Variants in MAP3K19 observed in about 807,000 individuals in gnomAD.
MAP3K19 encodes SPS1/STE20-related protein kinase YSK4.
MAP3K19 carries 91 observed loss-of-function variants against 114.4 expected under a neutral mutation model. That is an observed-to-expected ratio of 0.80 (90% CI 0.67 to 0.95). MAP3K19 has a LOEUF of 0.95. MAP3K19 is among the 40% of genes least tolerant of loss of function. The pLI, the probability that MAP3K19 is intolerant of heterozygous loss-of-function variation, is 0.00. For synonymous variants in MAP3K19, 518 were observed against 530.5 expected, an observed-to-expected ratio of 0.98 and a Z score of 0.32; for missense variants, 1,471 against 1,573.2, an observed-to-expected ratio of 0.94 and a Z score of 1.10.
At chr2:134,972,368 C>T (rs146150896) in intron 12 of MAP3K19, among the ~76,000 whole-genome samples, 1 of 152,164 alleles carries the variant, frequency 6.6e-6, no homozygotes, top group Non-Finnish European at 1.5e-5. Flanking sequence ...TCTTTCTGAT[C>T]CTGGTTTATT....
chr2:135,034,844 AGGGG>A (rs1688492301), intron 2 of MAP3K19, among the ~76,000 whole-genome samples: 1 of 5,570 alleles, frequency 1.8e-4, no homozygotes, highest in African/African-American at 6.7e-4. Context: ...GGGGAGGGGG[AGGGG>A]GAGGGGGAGG....
intron 5 of MAP3K19, among the ~76,000 whole-genome samples, chr2:135,011,669 GTTT>G (rs1274453046): frequency 1.4e-5 from 2 of 143,662 alleles, no homozygotes; most frequent in African/African-American, 5.7e-5. Context: ...GTTTGATGTT[GTTT>G]GTTTGTTTGT....
At chr2:134,983,342 G>A (rs1684844064) in intron 11 of MAP3K19, 3 of 570,420 alleles carry the variant, frequency 5.3e-6, no homozygotes, top group South Asian at 4.2e-5. Flanking sequence ...CTGGGAGGAT[G>A]AGAGGTTAGA....
chr2:134,977,824 T>C (rs1450248559), intron 12 of MAP3K19, among the ~76,000 whole-genome samples: 3 of 152,114 alleles, frequency 2.0e-5, no homozygotes, highest in Non-Finnish European at 4.4e-5. Context: ...CTCTGCCAAA[T>C]GTCTCTAACA....
chr2:135,021,710 C>G lies in MAP3K19; in HGVS notation c.138+5G>C. The G allele has an allele frequency of 6.4e-7, 1 of 1,572,882 alleles. No homozygotes were observed. The highest frequency in any genetic ancestry group is 1.1e-5 in the South Asian group (1 of 88,704). Reference sequence around the variant, plus strand: ...TCCGTTGTTTCTTTAAAGGGAGGCTCTTACCTCACTTCTGCTGATGCTTTG... The same window carrying G: ...TCCGTTGTTTCTTTAAAGGGAGGCTGTTACCTCACTTCTGCTGATGCTTTG... On this transcript the variant is annotated splice_donor_5th_base_variant and intron_variant, in intron 5 of 12. Coordinates refer to ENST00000392915, the MANE Select transcript of MAP3K19 (RefSeq NM_025052.5).
In MAP3K19 at chr2:134,986,301, T is replaced by TAGTG; in HGVS notation, c.2570_2571insCACT (p.Val858ThrfsTer5). 6.2e-7 allele frequency: 1 copy of TAGTG among 1,614,026 alleles called. No individual in the cohort carries two copies. The highest frequency in any genetic ancestry group is 8.5e-7 in the Non-Finnish European group (1 of 1,179,974). ...TGTTAGAATTCTTCTCACTGGGCACTGCCCAGCTGTCTTCTGAAGGGATAA... is the reference window on the plus strand; with the variant it reads ...TGTTAGAATTCTTCTCACTGGGCACTAGTGGCCCAGCTGTCTTCTGAAGGGATAA... On this transcript the variant is annotated frameshift_variant, in exon 10 of 13. Transcript: ENST00000392915. LOFTEE classifies it high-confidence loss of function.
intron 8 of MAP3K19, among the ~76,000 whole-genome samples, chr2:134,992,139 C>G (rs1685625898): frequency 6.6e-6 from 1 of 152,174 alleles, no homozygotes; most frequent in African/African-American, 2.4e-5. Context: ...AAATCAGCCT[C>G]TAAATTTCTC....
rs1210392592 is a variant in MAP3K19 at position 134,968,509 on chromosome 2, C to T, written c.3921-3593G>A. ...GGGGGCTGACCCCCCACCTCCCTCC[C>T]GGACGGGGTGGCTGCCGGGCGGAGA... On this transcript the variant is annotated intron_variant, in intron 12 of 12. Transcript: ENST00000392915. 4.7e-5 allele frequency among the ~76,000 whole-genome samples: 7 copies of T among 147,610 alleles called. No homozygotes were observed. In the East Asian group the frequency reaches 8.1e-4, roughly 17 times the overall value.
chr2:134,987,263 T>G lies in MAP3K19; in HGVS notation c.1609A>C (p.Lys537Gln). 5 of 1,614,198 alleles carry G rather than the reference T, an allele frequency of 3.1e-6. No individual in the cohort carries two copies. The highest frequency in any genetic ancestry group is 4.2e-6 in the Non-Finnish European group (5 of 1,180,044). Residue 537 changes from lysine (K) to glutamine (Q), a missense_variant, in exon 10 of 13, where the codon AAG (lysine) becomes CAG (glutamine). Coordinates refer to ENST00000392915, the MANE Select transcript of MAP3K19 (RefSeq NM_025052.5). ...CTTGTCTTGGTCTTTGAATCCAACTTACTCCTATGGGAATTCATCTTATGC... is the reference window on the plus strand; with the variant it reads ...CTTGTCTTGGTCTTTGAATCCAACTGACTCCTATGGGAATTCATCTTATGC... Reference protein sequence around the residue: ...DKHKMNSHRSKLDSKTKTSKK... With the variant: ...DKHKMNSHRSQLDSKTKTSKK...
At chr2:135,023,985 C>T (rs1227605722) in intron 4 of MAP3K19, among the ~76,000 whole-genome samples, 1 of 152,068 alleles carries the variant, frequency 6.6e-6, no homozygotes, top group Admixed American at 6.5e-5. Context: ...CCTTCTGTTT[C>T]TCTTTTCCCT....
chr2:135,001,533 T>C (rs1686445206), intron 6 of MAP3K19, among the ~76,000 whole-genome samples: 1 of 152,236 alleles, frequency 6.6e-6, no homozygotes, highest in Admixed American at 6.5e-5. Flanking sequence ...GTCGTTCTCC[T>C]ATTTGAAAGG....
intron 9 of MAP3K19, among the ~76,000 whole-genome samples, chr2:134,990,943 C>G (rs915134234): frequency 6.6e-6 from 1 of 152,116 alleles, no homozygotes; most frequent in African/African-American, 2.4e-5. Flanking sequence ...ATCTGTAACC[C>G]TAGCACTTTG....
At chr2:134,981,639 A>T in intron 11 of MAP3K19, 121 bp from the exon 12 acceptor site, 1 of 747,378 alleles carries the variant, frequency 1.3e-6, no homozygotes, top group Non-Finnish European at 2.2e-6. Context: ...CTAAGTTGAT[A>T]CCTCCCTTCC....
rs922077114 is a variant in MAP3K19 at position 134,999,177 on chromosome 2, C to G, written c.315-180G>C. On this transcript the variant is annotated intron_variant, in intron 7 of 12. Coordinates refer to ENST00000392915, the MANE Select transcript of MAP3K19 (RefSeq NM_025052.5). This position sits in a 1 kb window ranked among gnomAD's most constrained non-coding sequence, Gnocchi z 4.1. ...TCTCCACCTGCTGACTCCTCCTGGC[C>G]TCCTTAGCCCTCTGTACCATCGCTT... is the stretch of plus-strand genomic sequence containing the variant. Among the ~76,000 whole-genome samples, 2 of 152,188 alleles carry G rather than the reference C, an allele frequency of 1.3e-5. No homozygotes were observed. Among genetic ancestry groups the G allele is most frequent in the African/African-American group, 4.8e-5 (2 of 41,448 alleles).
intron 11 of MAP3K19, 27 bp downstream of exon 11, chr2:134,983,649 T>C (rs1482358132): frequency 1.3e-6 from 2 of 1,506,676 alleles, no homozygotes; most frequent in African/African-American, 1.4e-5. Flanking sequence ...TGGGGAGTGC[T>C]GATTTCAAGT....
In MAP3K19 at chr2:134,985,930, T is replaced by C; in HGVS notation, c.2942A>G (p.Asp981Gly). Residue 981 changes from aspartate (D) to glycine (G), a missense_variant, in exon 10 of 13, where the codon GAT becomes GGT. Coordinates refer to ENST00000392915, the MANE Select transcript of MAP3K19 (RefSeq NM_025052.5). ...GCLAAELLAL[D>G]EKDNNSCQKM... Reference sequence around the variant, plus strand: ...TTGGCAAGAGTTGTTATCTTTCTCATCAAGAGCTAATAATTCTGCAGCTAG... The same window carrying C: ...TTGGCAAGAGTTGTTATCTTTCTCACCAAGAGCTAATAATTCTGCAGCTAG... 6.2e-7 allele frequency: 1 copy of C among 1,614,188 alleles called. No individual in the cohort carries two copies. Among genetic ancestry groups the C allele is most frequent in the Non-Finnish European group, 8.5e-7 (1 of 1,180,018 alleles).
In MAP3K19 at chr2:135,023,150, T is replaced by C. The variant is rs1030491728; in HGVS notation, c.23-1320A>G. On this transcript the variant is annotated intron_variant, in intron 4 of 12. Transcript: ENST00000392915. The stretch of plus-strand genomic sequence containing the variant: ...ATTTCTTCATCATATTTTCCTTCTT[T>C]ACTCTCTGCAATCTATCTTCTGCCT... 5.8e-5 allele frequency: 13 copies of C among 224,098 alleles called. No homozygotes were observed. The Admixed American group carries it at 6.8e-4, about 12-fold the overall frequency. The allele number at this position is 224,098 out of a possible 1,614,324, so 13.9% of individuals were successfully genotyped here.
intron 6 of MAP3K19, 61 bp downstream of exon 6, chr2:135,005,374 G>T: frequency 8.1e-7 from 1 of 1,234,898 alleles, no homozygotes; most frequent in Non-Finnish European, 1.2e-6. Flanking sequence ...TTCTGAAATT[G>T]GAGAGAAGCC....
At chr2:134,983,588 G>T in intron 11 of MAP3K19, 88 bp downstream of exon 11, 1 of 911,258 alleles carries the variant, frequency 1.1e-6, no homozygotes, top group South Asian at 1.9e-5. Context: ...AGAGGAAGCA[G>T]GGAGGATGAC....
Sources: allele counts gnomAD v4.1 joint callset (sites outside exome capture counted in the v4.1 genomes callset), GRCh38; gene constraint gnomAD v4.1.1; non-coding constraint Gnocchi (gnomAD v3.1); transcripts MANE v1.5; gene names NCBI Gene and HGNC (gene_info 2026-07-23, HGNC 2026-07-21).